DPP10: variants seen among roughly 807,000 people sequenced by gnomAD.
DPP10 encodes the protein inactive dipeptidyl peptidase 10.
A neutral mutation model predicts 120.9 loss-of-function variants in DPP10; 33 were observed. The ratio of observed to expected loss-of-function variants is 0.27; its 90% confidence interval spans 0.21 to 0.37. The LOEUF is 0.37. DPP10 is among the 10% of genes least tolerant of loss of function. The pLI is 1.00. For synonymous variants in DPP10, 337 were observed against 326.1 expected, an observed-to-expected ratio of 1.03 and a Z score of -0.36; for missense variants, 816 against 942.8, an observed-to-expected ratio of 0.87 and a Z score of 1.76.
chr2:115,621,476 A>G (rs2084936680), intron 5 of DPP10, among the ~76,000 whole-genome samples: 1 of 152,124 alleles, frequency 6.6e-6, no homozygotes, highest in African/African-American at 2.4e-5. Flanking sequence ...AATTTTATGG[A>G]TTGTTTTTTA....
At chr2:115,244,049 GAAAAAGTAATACCTT>G (rs2058408588) in intron 1 of DPP10, among the ~76,000 whole-genome samples, 1 of 150,788 alleles carries the variant, frequency 6.6e-6, no homozygotes, top group South Asian at 2.1e-4. Context: ...AACTGACTTA[GAAAAAGTAATACCTT>G]AAAATAAGAA....
chr2:114,502,967 A>G (rs1158434035), intron 1 of DPP10, among the ~76,000 whole-genome samples: 2 of 152,248 alleles, frequency 1.3e-5, no homozygotes, highest in South Asian at 4.1e-4. Context: ...AGAAGATGAC[A>G]TAAAAGTGCG....
chr2:114,810,829 G>C (rs143352856), intron 1 of DPP10, among the ~76,000 whole-genome samples: 21 of 152,294 alleles, frequency 1.4e-4, no homozygotes, highest in African/African-American at 4.8e-4. Context: ...CCTCAAGCTT[G>C]CCAGAGCAGT....
Position 115,332,018 on chromosome 2 carries a change from C to T in DPP10, c.176-11799C>T, listed in dbSNP as rs190141227. Among the ~76,000 whole-genome samples, 597 of 152,210 alleles carry T rather than the reference C, an allele frequency of 3.9e-3. 4 individuals carry two copies. Among genetic ancestry groups the T allele is most frequent in the African/African-American group, 0.013 (533 of 41,556 alleles). On this transcript the variant is annotated intron_variant, in intron 2 of 25. Coordinates refer to ENST00000410059, the MANE Select transcript of DPP10 (RefSeq NM_020868.6). ...GGAATGGTACCAGCTTCTCCTTGTACGTCTGGTAGAATTCAGCTGTGAATC... is the reference window on the plus strand; with the variant it reads ...GGAATGGTACCAGCTTCTCCTTGTATGTCTGGTAGAATTCAGCTGTGAATC...
intron 2 of DPP10, among the ~76,000 whole-genome samples, chr2:115,337,209 G>T (rs984564447): frequency 4.6e-5 from 7 of 151,882 alleles, no homozygotes; most frequent in African/African-American, 1.7e-4. Context: ...GAGAAAAGAG[G>T]ATATGCTATT....
At chr2:115,522,895 A>G (rs1264121023) in intron 4 of DPP10, among the ~76,000 whole-genome samples, 1 of 152,194 alleles carries the variant, frequency 6.6e-6, no homozygotes, top group Non-Finnish European at 1.5e-5. Flanking sequence ...TTTAATGTCT[A>G]CAATTAGAAT....
chr2:114,704,019 T>C (rs1276805323), intron 1 of DPP10, among the ~76,000 whole-genome samples: 1 of 152,108 alleles, frequency 6.6e-6, no homozygotes, highest in East Asian at 1.9e-4. Flanking sequence ...CACATGCTTT[T>C]CCAAATTTTC....
intron 3 of DPP10, among the ~76,000 whole-genome samples, chr2:115,421,232 G>A (rs1358172292): frequency 6.6e-6 from 1 of 151,850 alleles, no homozygotes; most frequent in African/African-American, 2.4e-5. Context: ...GGTATGTCTA[G>A]GTCCAGAAAT....
chr2:115,650,417 G>A (rs938195522), intron 5 of DPP10, among the ~76,000 whole-genome samples: 6 of 143,630 alleles, frequency 4.2e-5, no homozygotes, highest in Non-Finnish European at 6.1e-5. Flanking sequence ...GAAAGGGGGG[G>A]GGGGATAATC....
rs953960250 is a variant in DPP10, at chr2:115,088,826, T to G, written c.61-220413T>G. 2.0e-5 allele frequency among the ~76,000 whole-genome samples: 3 copies of G among 150,880 alleles called. No individual in the cohort carries two copies. In the East Asian group the frequency reaches 5.8e-4, roughly 29 times the overall value. On this transcript the variant is annotated intron_variant, in intron 1 of 25. Coordinates refer to ENST00000410059, the MANE Select transcript of DPP10 (RefSeq NM_020868.6). ...AATTTTTTAAAAAATATAATGAATT[T>G]ATATTAATTTTATGTTTCTTTTCCA...
chr2:115,100,204 G>A (rs143260292), intron 1 of DPP10, among the ~76,000 whole-genome samples: 2,482 of 152,194 alleles, frequency 0.016, 53 homozygotes, highest in African/African-American at 0.047. Context: ...AAGCACTTTG[G>A]GAGGCCAAGG....
chr2:115,623,236 AT>A (rs1438046007), intron 5 of DPP10, among the ~76,000 whole-genome samples: 2 of 152,100 alleles, frequency 1.3e-5, no homozygotes, highest in African/African-American at 4.8e-5. Flanking sequence ...ATCCTAAAAT[AT>A]TTATTTTCTG....
At chr2:115,544,131 T>C (rs527336217) in intron 5 of DPP10, among the ~76,000 whole-genome samples, 1 of 151,912 alleles carries the variant, frequency 6.6e-6, no homozygotes, top group South Asian at 2.1e-4. Flanking sequence ...GAGGAATAAA[T>C]TAAAATTTGC....
intron 1 of DPP10, among the ~76,000 whole-genome samples, chr2:114,963,429 G>A (rs925411523): frequency 6.6e-6 from 1 of 152,084 alleles, no homozygotes; most frequent in Non-Finnish European, 1.5e-5. Flanking sequence ...CAAGGAAAAG[G>A]ACAAAATAAC....
intron 1 of DPP10, among the ~76,000 whole-genome samples, chr2:114,928,595 C>G (rs1695818878): frequency 6.6e-6 from 1 of 152,040 alleles, no homozygotes; most frequent in Non-Finnish European, 1.5e-5. Flanking sequence ...GCTTTTCCAG[C>G]CTGAGGGTAC....
intron 1 of DPP10, among the ~76,000 whole-genome samples, chr2:115,174,767 C>T (rs2053585906): frequency 6.6e-6 from 1 of 152,200 alleles, no homozygotes; most frequent in Non-Finnish European, 1.5e-5. Context: ...CACTTGATGT[C>T]ACAGCCAACT....
intron 1 of DPP10, among the ~76,000 whole-genome samples, chr2:114,528,422 A>G (rs1304051965): frequency 6.6e-6 from 1 of 151,970 alleles, no homozygotes; most frequent in Non-Finnish European, 1.5e-5. Context: ...TGCTCCACCC[A>G]TTGTTCTAGA....
intron 3 of DPP10, among the ~76,000 whole-genome samples, chr2:115,461,619 G>A (rs1446916649): frequency 6.6e-6 from 1 of 151,964 alleles, no homozygotes; most frequent in Non-Finnish European, 1.5e-5. Context: ...CAATATACAG[G>A]CACATCAAAA....
At chr2:115,550,237 A>C (rs971418870) in intron 5 of DPP10, among the ~76,000 whole-genome samples, 1 of 152,214 alleles carries the variant, frequency 6.6e-6, no homozygotes, top group Non-Finnish European at 1.5e-5. Flanking sequence ...CATGAATTAC[A>C]TAGTGAAATA....
Sources: gnomAD v4.1 joint callset for allele counts (sites outside exome capture counted in the v4.1 genomes callset) on GRCh38, gnomAD v4.1.1 for gene constraint, MANE v1.5 for transcripts, NCBI Gene and HGNC (gene_info 2026-07-23, HGNC 2026-07-21) for gene names.